The following GPR137B variants were observed in gnomAD, a reference collection of about 807,000 sequenced individuals.
The protein encoded by GPR137B is G protein-coupled receptor 137B.
GPR137B carries 42 observed loss-of-function variants against 42.5 expected under a neutral mutation model. That is an observed-to-expected ratio of 0.99 (90% CI 0.77 to 1.28). GPR137B has a LOEUF of 1.28. Ranked by LOEUF, GPR137B falls within the 50% of genes most tolerant of loss-of-function variation. The pLI, the probability that GPR137B is intolerant of heterozygous loss-of-function variation, is 0.00. For missense variants in GPR137B, 487 were observed against 493.9 expected (o/e 0.99, Z 0.13); for synonymous variants, 218 against 209.7 (o/e 1.04, Z -0.34).
intron 1 of GPR137B, among the ~76,000 whole-genome samples, chr1:236,151,618 T>G (rs1405668738): frequency 2.0e-5 from 3 of 151,940 alleles, no homozygotes; most frequent in Admixed American, 6.6e-5. Flanking sequence ...GAGACGGGGT[T>G]TCACAATGTT....
In GPR137B at chr1:236,142,682, G is replaced by C. The variant is rs1558475112; in HGVS notation, c.60G>C (p.Pro20=). The C allele has an allele frequency of 6.4e-7, 1 of 1,567,400 alleles. No individual in the cohort carries two copies. Among genetic ancestry groups the C allele is most frequent in the Non-Finnish European group, 8.6e-7 (1 of 1,162,330 alleles). Residue 20 remains proline, a synonymous_variant, in exon 1 of 7, where the codon CCG becomes CCC. Coordinates refer to ENST00000366592, the MANE Select transcript of GPR137B (RefSeq NM_003272.4). ...CCCCCGGCCCGATGGAGACCCCGCC[G>C]TGGGACCCAGCCCGCAACGACTCGC... ...GSAPGPMETP[P]WDPARNDSLP...
chr1:236,179,091 C>T (rs1359526538), intron 3 of GPR137B, among the ~76,000 whole-genome samples: 1 of 151,292 alleles, frequency 6.6e-6, no homozygotes, highest in Admixed American at 6.6e-5. Context: ...GCCACCGCGC[C>T]CGCACTACTC....
chr1:236,179,839 G>C, intron 3 of GPR137B, 40 bp from the exon 4 acceptor site: 2 of 1,500,414 alleles, frequency 1.3e-6, no homozygotes, highest in Non-Finnish European at 8.9e-7. Context: ...TGGTGTCTTG[G>C]ACCTGGAGTG....
At chr1:236,184,232 G>A (rs951321651) in intron 5 of GPR137B, among the ~76,000 whole-genome samples, 6 of 152,134 alleles carry the variant, frequency 3.9e-5, no homozygotes, top group African/African-American at 1.4e-4. Context: ...AAGTATAGAA[G>A]CTTCTCTCAT....
At chr1:236,204,920 T>C (rs1281860752) in intron 5 of GPR137B, among the ~76,000 whole-genome samples, 1 of 152,196 alleles carries the variant, frequency 6.6e-6, no homozygotes, top group Non-Finnish European at 1.5e-5. Context: ...AAGACTCTGA[T>C]AGAAGACTTT....
At chr1:236,152,136 A>G (rs1176396023) in intron 1 of GPR137B, among the ~76,000 whole-genome samples, 4 of 152,068 alleles carry the variant, frequency 2.6e-5, no homozygotes, top group East Asian at 3.9e-4. Flanking sequence ...GATTCATTTC[A>G]TTTATTCAAC....
At chr1:236,197,163 G>C (rs772332245) in intron 5 of GPR137B, among the ~76,000 whole-genome samples, 1 of 152,114 alleles carries the variant, frequency 6.6e-6, no homozygotes, top group Non-Finnish European at 1.5e-5. Context: ...TTTCATGTTT[G>C]TTGGCCATAT....
At chr1:236,154,172 G>A (rs948859746) in intron 1 of GPR137B, among the ~76,000 whole-genome samples, 27 of 152,180 alleles carry the variant, frequency 1.8e-4, no homozygotes, top group African/African-American at 6.3e-4. Context: ...CCCAGACTCC[G>A]TGTCCTCCTG....
At chr1:236,151,025 G>A (rs2102891127) in intron 1 of GPR137B, among the ~76,000 whole-genome samples, 1 of 152,322 alleles carries the variant, frequency 6.6e-6, no homozygotes, top group South Asian at 2.1e-4. Context: ...GCGTCTTAGG[G>A]TTTTGCAAAC....
intron 5 of GPR137B, among the ~76,000 whole-genome samples, chr1:236,204,418 T>C (rs949869970): frequency 2.6e-5 from 4 of 152,226 alleles, no homozygotes; most frequent in African/African-American, 9.6e-5. Flanking sequence ...TCCATGAGTG[T>C]AGAAGTACTC....
intron 5 of GPR137B, among the ~76,000 whole-genome samples, chr1:236,203,114 G>C (rs928289505): frequency 1.3e-5 from 2 of 152,068 alleles, no homozygotes; most frequent in Non-Finnish European, 2.9e-5. Context: ...GTCTTGCTCT[G>C]TCGCCCAGGC....
At chr1:236,200,268 T>A (rs1281365447) in intron 5 of GPR137B, among the ~76,000 whole-genome samples, 3 of 152,064 alleles carry the variant, frequency 2.0e-5, no homozygotes, top group Non-Finnish European at 2.9e-5. Context: ...TCATAGCCTA[T>A]CATATGGTCT....
At chr1:236,169,172 CTGCAGGTGCAGGTGCAGGTGCAGG>C (rs879888159) in intron 2 of GPR137B, among the ~76,000 whole-genome samples, 5 of 148,702 alleles carry the variant, frequency 3.4e-5, no homozygotes, top group South Asian at 4.3e-4. Context: ...CATGCTCCCA[CTGCAGGTGCAGGTGCAGGTGCAGG>C]TGCAGGTGCA....
intron 2 of GPR137B, among the ~76,000 whole-genome samples, chr1:236,174,013 C>T (rs1301150750): frequency 1.3e-5 from 2 of 152,116 alleles, no homozygotes; most frequent in Admixed American, 1.3e-4. Flanking sequence ...ACTGAACTTT[C>T]CCTCCTCCCA....
intron 1 of GPR137B, among the ~76,000 whole-genome samples, chr1:236,161,242 A>G (rs569530906): frequency 3.4e-4 from 52 of 151,948 alleles, no homozygotes; most frequent in Middle Eastern, 3.4e-3. Flanking sequence ...AGCTGTGCCA[A>G]TGCTCCCCCG....
Position 236,187,272 on chromosome 1 carries a change from TC to T in GPR137B, c.966+3367del, listed in dbSNP as rs2102916781. ...ATAGATTGCAAAAATTTTCTCCCAT[TC>T]TGTAGGTTGCCTGTTTACTCTGATG... On this transcript the variant is annotated intron_variant, in intron 5 of 6. Coordinates refer to ENST00000366592, the MANE Select transcript of GPR137B (RefSeq NM_003272.4). Among the ~76,000 whole-genome samples the T allele has an allele frequency of 2.0e-5, 3 of 152,294 alleles. No individual in the cohort carries two copies. The South Asian group carries it at 6.2e-4, about 32-fold the overall frequency.
At chr1:236,168,317 G>T (rs920405083) in intron 1 of GPR137B, among the ~76,000 whole-genome samples, 3 of 151,888 alleles carry the variant, frequency 2.0e-5, no homozygotes, top group African/African-American at 4.8e-5. Context: ...CAGCTACTTG[G>T]GAGGCTGAGG....
chr1:236,179,917 C>T lies in GPR137B; in HGVS notation c.726C>T (p.Thr242=), dbSNP rs371462696. 8.7e-6 allele frequency: 14 copies of T among 1,605,722 alleles called. No individual in the cohort carries two copies. The highest frequency in any genetic ancestry group is 4.5e-5 in the East Asian group (2 of 44,852). ...SVCQVTAIGV[T]VILLYTSRAC... ...GTCAAGTGACTGCCATCGGTGTCAC[C>T]GTGATACTGCTTTACACCTCTCGGG... Residue 242 remains threonine (T), a synonymous_variant, in exon 4 of 7, where the codon ACC becomes ACT. Transcript: ENST00000366592.
At chr1:236,158,438 C>T (rs1006855460) in intron 1 of GPR137B, among the ~76,000 whole-genome samples, 2 of 152,174 alleles carry the variant, frequency 1.3e-5, no homozygotes, top group African/African-American at 4.8e-5. Flanking sequence ...AACAAACAAA[C>T]AAAACATAGC....
Sources: allele counts gnomAD v4.1 joint callset (sites outside exome capture counted in the v4.1 genomes callset), GRCh38; gene constraint gnomAD v4.1.1; transcripts MANE v1.5; gene names NCBI Gene and HGNC (gene_info 2026-07-23, HGNC 2026-07-21).